ARFIP2: variants seen among roughly 807,000 people sequenced by gnomAD.
ARFIP2 encodes ARF interacting protein 2, also known as arfaptin-2.
ARFIP2 carries 14 observed loss-of-function variants against 39.2 expected under a neutral mutation model. The observed-to-expected ratio is 0.36, with a 90% CI of 0.24 to 0.56. ARFIP2 has a LOEUF of 0.56. Ranked by LOEUF, ARFIP2 falls within the 20% of genes least tolerant of loss-of-function variation. The pLI is 0.85. For synonymous variants in ARFIP2, 167 were observed against 172.4 expected, an observed-to-expected ratio of 0.97 and a Z score of 0.24; for missense variants, 305 against 422.5, an observed-to-expected ratio of 0.72 and a Z score of 2.44.
rs56141842 is a variant in ARFIP2 at position 6,479,534 on chromosome 11, G to C, written c.197-276C>G. ...AAACAGAAGAAAATACACTGAGTTT[G>C]GGGGCAGCAGGAGTCAAGGATGGTG... On this transcript the variant is annotated intron_variant, in intron 3 of 7. Coordinates refer to ENST00000396777, the MANE Select transcript of ARFIP2 (RefSeq NM_001376558.2). 5,290 of 606,442 alleles carry C rather than the reference G, an allele frequency of 8.7e-3. 191 individuals are homozygous for C. Among genetic ancestry groups the C allele is most frequent in the African/African-American group, 0.083 (4,466 of 54,042 alleles). 37.6% of individuals were successfully genotyped at this position (606,442 alleles called of 1,614,324 possible).
chr11:6,477,010 G>T lies in ARFIP2; in HGVS notation c.*103C>A. The T allele has an allele frequency of 7.3e-7, 1 of 1,366,686 alleles. No homozygotes were observed. Among genetic ancestry groups the T allele is most frequent in the Non-Finnish European group, 9.7e-7 (1 of 1,025,960 alleles). 84.7% of individuals were successfully genotyped at this position (1,366,686 alleles called of 1,614,324 possible). ...GCCCCAGCCAGAAAAAGGAGCCCAA[G>T]CCAGAGGGCAAGTGACAAAGGATGT... is the stretch of plus-strand genomic sequence containing the variant. On this transcript the variant is annotated 3_prime_UTR_variant, in exon 8 of 8. Coordinates refer to ENST00000396777, the MANE Select transcript of ARFIP2 (RefSeq NM_001376558.2). The surrounding 1 kb of genome is among the most constrained non-coding windows in gnomAD (Gnocchi z 4.8).
intron 3 of ARFIP2, 68 bp downstream of exon 3, chr11:6,479,904 T>C: frequency 6.9e-7 from 1 of 1,453,434 alleles, no homozygotes; most frequent in Non-Finnish European, 9.7e-7. Flanking sequence ...CCTAGACATA[T>C]CCTATGCTTC....
In ARFIP2 at chr11:6,477,341, G is replaced by C; in HGVS notation, c.871-73C>G. On this transcript the variant is annotated intron_variant, in intron 7 of 7. Transcript: ENST00000396777. The surrounding 1 kb of genome is among the most constrained non-coding windows in gnomAD (Gnocchi z 4.8). ...TGAGGGTCTATGAGCCTGAGCCCAG[G>C]CACAGACCAGGGGCACAAGGACTCT... 1 of 1,521,064 alleles carries C rather than the reference G, an allele frequency of 6.6e-7. No individual in the cohort carries two copies. Among genetic ancestry groups the C allele is most frequent in the African/African-American group, 1.4e-5 (1 of 73,044 alleles). The allele number at this position is 1,521,064 out of a possible 1,614,324, so 94.2% of individuals were successfully genotyped here. A position where few individuals can be genotyped will look rare whatever the true frequency, so the allele number is the denominator to read the frequency against.
At chr11:6,480,783 G>A (rs1412894286) in intron 1 of ARFIP2, 1 of 207,000 alleles carries the variant, frequency 4.8e-6, no homozygotes, top group African/African-American at 2.4e-5. Flanking sequence ...AGTGAAGAGG[G>A]AAAGTCTGCT....
chr11:6,478,687 T>C lies in ARFIP2; in HGVS notation c.537+51A>G, dbSNP rs1851377432. 1.3e-6 allele frequency: 2 copies of C among 1,573,534 alleles called. No individual in the cohort carries two copies. Among genetic ancestry groups the C allele is most frequent in the Non-Finnish European group, 1.7e-6 (2 of 1,155,758 alleles). On this transcript the variant is annotated intron_variant, in intron 5 of 7. Coordinates refer to ENST00000396777, the MANE Select transcript of ARFIP2 (RefSeq NM_001376558.2). This position sits in a 1 kb window ranked among gnomAD's most constrained non-coding sequence, Gnocchi z 4.8. Reference sequence around the variant, plus strand: ...GGAGGGAGGATGAGGAATGACTGCCTGGGAGGGCCCATGCCCAGTTCCCCC... The same window carrying C: ...GGAGGGAGGATGAGGAATGACTGCCCGGGAGGGCCCATGCCCAGTTCCCCC...
At position 6,478,896 on chromosome 11, in the gene ARFIP2, C is replaced by G; in HGVS notation, c.379G>C (p.Glu127Gln). ...RGSRTVDLEL[E>Q]LQIELLRETK... ...TCACGCAGCAACTCAATCTGCAGCT[C>G]TAGCTCCAGGTCCACAGTCCGTGAG... is the stretch of plus-strand genomic sequence containing the variant. The change falls in exon 5 of 8, where the codon GAG (glutamate) becomes CAG (glutamine). Residue 127 changes from glutamate (E) to glutamine (Q), a missense_variant. Around this residue, in one of 3 missense-constraint regions of ARFIP2, gnomAD observed 151 missense variants for 203.1 expected, o/e 0.74. Transcript: ENST00000396777. The surrounding 1 kb of genome is among the most constrained non-coding windows in gnomAD (Gnocchi z 4.8). The G allele has an allele frequency of 1.2e-6, 2 of 1,614,190 alleles. No individual in the cohort carries two copies. Among genetic ancestry groups the G allele is most frequent in the Non-Finnish European group, 1.7e-6 (2 of 1,180,026 alleles).
intron 1 of ARFIP2, 62 bp downstream of exon 1, chr11:6,481,169 A>G: frequency 2.1e-6 from 1 of 469,480 alleles, no homozygotes; most frequent in Non-Finnish European, 3.8e-6. Flanking sequence ...GGCTCGGGGC[A>G]TCTTGCCCTC....
chr11:6,477,958 C>T lies in ARFIP2; in HGVS notation c.696-66G>A, dbSNP rs1188747445. On this transcript the variant is annotated intron_variant, in intron 6 of 7. Coordinates refer to ENST00000396777, the MANE Select transcript of ARFIP2 (RefSeq NM_001376558.2). The surrounding 1 kb of genome is among the most constrained non-coding windows in gnomAD (Gnocchi z 4.8). ...CCTCAACACATACTCTCCTTTCCTTCCTGAATTCTTATGCCCCTAATGCCC... is the reference window on the plus strand; with the variant it reads ...CCTCAACACATACTCTCCTTTCCTTTCTGAATTCTTATGCCCCTAATGCCC... The T allele has an allele frequency of 6.2e-7, 1 of 1,604,152 alleles. No homozygotes were observed. The highest frequency in any genetic ancestry group is 8.5e-7 in the Non-Finnish European group (1 of 1,172,920).
intron 3 of ARFIP2, 58 bp downstream of exon 3, chr11:6,479,914 C>A (rs750578006): frequency 6.5e-7 from 1 of 1,527,046 alleles, no homozygotes; most frequent in African/African-American, 1.4e-5. Flanking sequence ...TCCTATGCTT[C>A]CCCAAACCAT....
chr11:6,479,077 G>A (rs967181836), intron 4 of ARFIP2, 63 bp downstream of exon 4: 30 of 1,587,628 alleles, frequency 1.9e-5, no homozygotes, highest in Admixed American at 1.0e-4. Flanking sequence ...TTACGATCAC[G>A]AAGAAAAGGG....
Position 6,478,380 on chromosome 11 carries a change from G to A in ARFIP2, c.538-182C>T, listed in dbSNP as rs1293844318. 6.6e-6 allele frequency among the ~76,000 whole-genome samples: 1 copy of A among 152,066 alleles called. No homozygotes were observed. ...GTGGGATCACCCTGGGGATACCTGG[G>A]GTAGGAATGTGGGTGGTGGGCATTC... On this transcript the variant is annotated intron_variant, in intron 5 of 7. Transcript: ENST00000396777. This position sits in a 1 kb window ranked among gnomAD's most constrained non-coding sequence, Gnocchi z 4.8.
rs1589857023 is a variant in ARFIP2 at position 6,481,253 on chromosome 11, C to T, written c.-65G>A. 1 of 599,542 alleles carries T rather than the reference C, an allele frequency of 1.7e-6. No homozygotes were observed. The highest frequency in any genetic ancestry group is 2.8e-5 in the East Asian group (1 of 35,610). 37.1% of individuals were successfully genotyped at this position (599,542 alleles called of 1,614,324 possible). A position where few individuals can be genotyped will look rare whatever the true frequency, so the allele number is the denominator to read the frequency against. On this transcript the variant is annotated 5_prime_UTR_variant, in exon 1 of 8. Coordinates refer to ENST00000396777, the MANE Select transcript of ARFIP2 (RefSeq NM_001376558.2). Reference sequence around the variant, plus strand: ...CACCTCGGGCCGGGCCGCTCTTCCCCTCAGGGCGCCAGGCCCGGGCCGCGC... The same window carrying T: ...CACCTCGGGCCGGGCCGCTCTTCCCTTCAGGGCGCCAGGCCCGGGCCGCGC...
At chr11:6,481,011 T>C (rs1161100940) in intron 1 of ARFIP2, 1 of 196,670 alleles carries the variant, frequency 5.1e-6, no homozygotes, top group Non-Finnish European at 1.1e-5. Context: ...GTTAGATCAG[T>C]GGGTGTATGT....
At chr11:6,479,337 G>A (rs567557750) in intron 3 of ARFIP2, 79 bp from the exon 4 acceptor site, 27 of 1,609,736 alleles carry the variant, frequency 1.7e-5, no homozygotes, top group Middle Eastern at 1.6e-4. Flanking sequence ...ACTTCTCTTC[G>A]AGCACATGAA....
At chr11:6,479,366 G>A (rs1276227599) in intron 3 of ARFIP2, 108 bp from the exon 4 acceptor site, 28 of 1,602,846 alleles carry the variant, frequency 1.7e-5, no homozygotes, top group African/African-American at 2.7e-5. Context: ...CCCTGAAGGA[G>A]ATGCTAGAGA....
rs1399366568 is a variant in ARFIP2, at chr11:6,478,464, G to A, written c.538-266C>T. On this transcript the variant is annotated intron_variant, in intron 5 of 7. Transcript: ENST00000396777. This position sits in a 1 kb window ranked among gnomAD's most constrained non-coding sequence, Gnocchi z 4.8. The stretch of plus-strand genomic sequence containing the variant: ...AGCTAGTGTGGCAAGCAGGGGAGGG[G>A]CTCTGATTAGGCTGAGCACGAAGGC... 19 of 1,119,260 alleles carry A rather than the reference G, an allele frequency of 1.7e-5. No individual in the cohort carries two copies. Among genetic ancestry groups the A allele is most frequent in the Non-Finnish European group, 2.3e-5 (19 of 812,400 alleles). 69.3% of individuals were successfully genotyped at this position (1,119,260 alleles called of 1,614,324 possible).
At position 6,479,379 on chromosome 11, in the gene ARFIP2, A is replaced by G. The variant is rs561357368; in HGVS notation, c.197-121T>C. On this transcript the variant is annotated intron_variant, in intron 3 of 7. Transcript: ENST00000396777. The stretch of plus-strand genomic sequence containing the variant: ...TTCCCTGAAGGAGATGCTAGAGACA[A>G]CTGGATGCTCCTGCTTACTAGGAGG... 3 of 1,596,720 alleles carry G rather than the reference A, an allele frequency of 1.9e-6. No individual in the cohort carries two copies. The East Asian group carries it at 6.7e-5, about 36-fold the overall frequency.
At position 6,476,980 on chromosome 11, in the gene ARFIP2, G is replaced by T; in HGVS notation, c.*133C>A. On this transcript the variant is annotated 3_prime_UTR_variant, in exon 8 of 8. Coordinates refer to ENST00000396777, the MANE Select transcript of ARFIP2 (RefSeq NM_001376558.2). ...CCATAGCAATGTGGGCAAAACTGGT[G>T]TCAGGCCCCAGCCAGAAAAAGGAGC... The T allele has an allele frequency of 9.0e-7, 1 of 1,109,816 alleles. No homozygotes were observed. The highest frequency in any genetic ancestry group is 1.2e-6 in the Non-Finnish European group (1 of 801,320). The allele number at this position is 1,109,816 out of a possible 1,614,324, so 68.7% of individuals were successfully genotyped here.
chr11:6,480,254 G>C, intron 2 of ARFIP2, 69 bp downstream of exon 2: 1 of 1,503,634 alleles, frequency 6.7e-7, no homozygotes, highest in East Asian at 2.4e-5. Flanking sequence ...CTGGAATGGA[G>C]GGTGAGAACC....
Sources: gnomAD v4.1 joint callset for allele counts (sites outside exome capture counted in the v4.1 genomes callset) on GRCh38, gnomAD v4.1.1 for gene constraint, gnomAD v4.1.1 regional missense constraint, Gnocchi (gnomAD v3.1) non-coding constraint, MANE v1.5 for transcripts, NCBI Gene and HGNC (gene_info 2026-07-23, HGNC 2026-07-21) for gene names.